MYCT1: variants seen among roughly 807,000 people sequenced by gnomAD.
MYCT1 encodes the protein MYC target 1.
A neutral mutation model predicts 15.0 loss-of-function variants in MYCT1; 12 were observed. The observed-to-expected ratio is 0.80, with a 90% CI of 0.51 to 1.29. The LOEUF is 1.29. Among genes scored for constraint, MYCT1 ranks in the 50% most tolerant of loss-of-function variants. The pLI is 0.00. For synonymous variants in MYCT1, 104 were observed against 102.7 expected (o/e 1.01, Z -0.07); for missense variants, 287 against 279.1 (o/e 1.03, Z -0.20).
At chr6:152,706,002 G>A in intron 1 of MYCT1, 1 of 841,332 alleles carries the variant, frequency 1.2e-6, no homozygotes, top group Non-Finnish European at 2.1e-6. Flanking sequence ...ATCGGATGCT[G>A]CTGGTGTGGC....
At chr6:152,720,126 C>T (rs2099724423) in intron 1 of MYCT1, among the ~76,000 whole-genome samples, 1 of 151,728 alleles carries the variant, frequency 6.6e-6, no homozygotes, top group South Asian at 2.1e-4. Flanking sequence ...TCTAGGATGA[C>T]ACCATTCATA....
At chr6:152,708,165 G>A (rs1159357) in intron 1 of MYCT1, among the ~76,000 whole-genome samples, 34,588 of 151,564 alleles carry the variant, frequency 0.23, 4,494 homozygotes, top group South Asian at 0.36. Flanking sequence ...TATTTCAGTA[G>A]TATTTCAAAA....
chr6:152,745,203 C>A, the MYCT1 span, among the ~76,000 whole-genome samples: 7 of 152,148 alleles, frequency 4.6e-5, no homozygotes, highest in Non-Finnish European at 1.0e-4. Flanking sequence ...TCTTCCCAGG[C>A]AAACCATGAC....
Position 152,722,516 on chromosome 6 carries a change from T to C in MYCT1, c.*263T>C. ...TATTCAATGTGAGGCTTATTAAAAATAGTGATTCTAATGTAAGAATCAGCT... is the reference window on the plus strand; with the variant it reads ...TATTCAATGTGAGGCTTATTAAAAACAGTGATTCTAATGTAAGAATCAGCT... On this transcript the variant is annotated 3_prime_UTR_variant, in exon 2 of 2. Coordinates refer to ENST00000367245, the MANE Select transcript of MYCT1 (RefSeq NM_025107.3). The C allele has an allele frequency of 2.7e-6, 1 of 365,010 alleles. No homozygotes were observed. Among genetic ancestry groups the C allele is most frequent in the Non-Finnish European group, 4.9e-6 (1 of 203,162 alleles). The allele number at this position is 365,010 out of a possible 1,614,324, so 22.6% of individuals were successfully genotyped here. A position where few individuals can be genotyped will look rare whatever the true frequency, so the allele number is the denominator to read the frequency against.
At chr6:152,707,972 C>T (rs577661702) in intron 1 of MYCT1, among the ~76,000 whole-genome samples, 2 of 151,892 alleles carry the variant, frequency 1.3e-5, no homozygotes, top group African/African-American at 4.8e-5. Context: ...TTTGTATTGT[C>T]ATCATATACA....
intron 1 of MYCT1, among the ~76,000 whole-genome samples, chr6:152,703,538 A>G (rs2099721694): frequency 1.3e-5 from 2 of 152,190 alleles, no homozygotes; most frequent in South Asian, 4.1e-4. Context: ...AACTAAAGGC[A>G]TCAATACAGT....
At chr6:152,701,363 T>A (rs1279704995) in intron 1 of MYCT1, among the ~76,000 whole-genome samples, 3 of 152,184 alleles carry the variant, frequency 2.0e-5, no homozygotes, top group Non-Finnish European at 4.4e-5. Context: ...GGCATGTTTG[T>A]GGAGAAAAGA....
chr6:152,717,333 T>A (rs1303312710), intron 1 of MYCT1, among the ~76,000 whole-genome samples: 1 of 152,204 alleles, frequency 6.6e-6, no homozygotes, highest in Non-Finnish European at 1.5e-5. Context: ...TCTTAGAAAT[T>A]CTTCTGTCAG....
the MYCT1 span, among the ~76,000 whole-genome samples, chr6:152,746,610 T>A: frequency 6.6e-6 from 1 of 152,224 alleles, no homozygotes; most frequent in Non-Finnish European, 1.5e-5. Flanking sequence ...ACATAAGAGA[T>A]GACATTGTGA....
downstream of MYCT1, among the ~76,000 whole-genome samples, chr6:152,729,550 G>A: frequency 6.6e-6 from 1 of 152,146 alleles, no homozygotes; most frequent in East Asian, 1.9e-4. Flanking sequence ...AATCATCGAA[G>A]TATAATGCAA....
intron 1 of MYCT1, among the ~76,000 whole-genome samples, chr6:152,698,529 G>A (rs191296668): frequency 9.2e-5 from 14 of 152,162 alleles, no homozygotes; most frequent in Admixed American, 6.5e-4. Context: ...ATGAAACTGA[G>A]ATTTTCCATA....
chr6:152,741,065 C>T, the MYCT1 span, among the ~76,000 whole-genome samples: 968 of 152,070 alleles, frequency 6.4e-3, 12 homozygotes, highest in African/African-American at 0.021. Context: ...AATTTCTCCC[C>T]AATGTGATGC....
chr6:152,714,226 G>A (rs770486816), intron 1 of MYCT1, among the ~76,000 whole-genome samples: 7 of 146,390 alleles, frequency 4.8e-5, no homozygotes, highest in Non-Finnish European at 7.5e-5. Context: ...CATCCTTGTC[G>A]TTCCAATTAG....
At chr6:152,739,880 T>C in the MYCT1 span, among the ~76,000 whole-genome samples, 4 of 152,152 alleles carry the variant, frequency 2.6e-5, no homozygotes, top group Non-Finnish European at 5.9e-5. Flanking sequence ...TGGTGAAAAT[T>C]GAATCCAATT....
At chr6:152,742,655 A>G in the MYCT1 span, among the ~76,000 whole-genome samples, 1 of 152,208 alleles carries the variant, frequency 6.6e-6, no homozygotes, top group Admixed American at 6.5e-5. Flanking sequence ...TAGAAGTTGC[A>G]CAGGAGAGGG....
intron 1 of MYCT1, among the ~76,000 whole-genome samples, chr6:152,713,662 C>T (rs2129069624): frequency 6.6e-6 from 1 of 152,212 alleles, no homozygotes; most frequent in East Asian, 1.9e-4. Context: ...GTTTGGAATA[C>T]ATCCCACGTA....
chr6:152,745,485 G>T, the MYCT1 span, among the ~76,000 whole-genome samples: 4 of 152,184 alleles, frequency 2.6e-5, no homozygotes, highest in African/African-American at 7.2e-5. Flanking sequence ...AGTTTAACTT[G>T]ATCATTTCTA....
chr6:152,705,867 T>A, intron 1 of MYCT1: 2 of 730,462 alleles, frequency 2.7e-6, no homozygotes, highest in South Asian at 3.1e-5. Flanking sequence ...TGTTGAAAGA[T>A]CTTTGATTGT....
chr6:152,699,284 T>G lies in MYCT1; in HGVS notation c.196+1186T>G, dbSNP rs916671480. ...AATGTGGGGACAAATATTTATTGGT[T>G]TTAAAAGATATTAAAATTCAGCATA... is the stretch of plus-strand genomic sequence containing the variant. On this transcript the variant is annotated intron_variant, in intron 1 of 1. Transcript: ENST00000367245. Among the ~76,000 whole-genome samples, 8 of 152,216 alleles carry G rather than the reference T, an allele frequency of 5.3e-5. No homozygotes were observed. In the South Asian group the frequency reaches 8.3e-4, roughly 16 times the overall value.
Sources: gnomAD v4.1 joint callset for allele counts (sites outside exome capture counted in the v4.1 genomes callset) on GRCh38, gnomAD v4.1.1 for gene constraint, MANE v1.5 for transcripts, NCBI Gene and HGNC (gene_info 2026-07-23, HGNC 2026-07-21) for gene names.